The following NRG3 variants were observed in gnomAD, a reference collection of about 807,000 sequenced individuals.
NRG3 encodes the protein pro-neuregulin-3, membrane-bound isoform.
A neutral mutation model predicts 66.9 loss-of-function variants in NRG3; 31 were observed. The ratio of observed to expected loss-of-function variants is 0.46; its 90% CI spans 0.35 to 0.63. The LOEUF is 0.63. NRG3 is among the 20% of genes least tolerant of loss of function. The pLI is 0.00. For missense variants in NRG3, 910 were observed against 878.9 expected, an observed-to-expected ratio of 1.04 and a Z score of -0.45; for synonymous variants, 393 against 359.4, an observed-to-expected ratio of 1.09 and a Z score of -1.06.
chr10:82,829,804 C>G (rs1359708943), intron 3 of NRG3, among the ~76,000 whole-genome samples: 2 of 151,964 alleles, frequency 1.3e-5, no homozygotes, highest in African/African-American at 4.8e-5. Flanking sequence ...AGATTACTAA[C>G]AAACTAATAA....
At chr10:82,291,988 T>C (rs1391025894) in intron 1 of NRG3, among the ~76,000 whole-genome samples, 1 of 152,180 alleles carries the variant, frequency 6.6e-6, no homozygotes, top group Non-Finnish European at 1.5e-5. Flanking sequence ...TTTATCAAAA[T>C]TTAAAATGCT....
At chr10:82,481,186 T>A (rs1204055351) in intron 2 of NRG3, among the ~76,000 whole-genome samples, 1 of 152,242 alleles carries the variant, frequency 6.6e-6, no homozygotes, top group East Asian at 1.9e-4. Context: ...TATCATACAT[T>A]GTTTTTATTT....
chr10:82,956,342 T>G (rs1041776967), intron 5 of NRG3, among the ~76,000 whole-genome samples: 1 of 151,930 alleles, frequency 6.6e-6, no homozygotes, highest in Non-Finnish European at 1.5e-5. Flanking sequence ...ATGAGAGAGC[T>G]AATGGTATTG....
At position 82,624,271 on chromosome 10, in the gene NRG3, T is replaced by G. The variant is rs139878326; in HGVS notation, c.954-114306T>G. On this transcript the variant is annotated intron_variant, in intron 2 of 8. Coordinates refer to ENST00000372141, the MANE Select transcript of NRG3 (RefSeq NM_001010848.4). ...TTTATTAAAAACAACAAGAAAAAAT[T>G]CCCTGCTTTCATAACTTGCCAGTTT... Among the ~76,000 whole-genome samples the G allele has an allele frequency of 1.9e-3, 285 of 152,272 alleles. 2 individuals are homozygous for G. Among genetic ancestry groups the G allele is most frequent in the African/African-American group, 6.2e-3 (259 of 41,554 alleles).
chr10:82,870,313 A>C (rs1302114918), intron 4 of NRG3, among the ~76,000 whole-genome samples: 7 of 152,230 alleles, frequency 4.6e-5, no homozygotes, highest in Non-Finnish European at 1.0e-4. Context: ...CTAGAGCTGG[A>C]TAACATTACA....
chr10:82,881,820 C>T (rs565339681), intron 4 of NRG3, among the ~76,000 whole-genome samples: 7 of 152,268 alleles, frequency 4.6e-5, no homozygotes, highest in Admixed American at 2.6e-4. Flanking sequence ...GACATACAGG[C>T]ATTCAAACTA....
chr10:82,777,134 G>A (rs146497058), intron 3 of NRG3, among the ~76,000 whole-genome samples: 80 of 152,266 alleles, frequency 5.3e-4, no homozygotes, highest in South Asian at 1.9e-3. Context: ...ATTGCCTCCA[G>A]TTCTGTGTGA....
intron 1 of NRG3, among the ~76,000 whole-genome samples, chr10:81,904,703 G>A (rs1193963003): frequency 6.6e-6 from 1 of 151,952 alleles, no homozygotes; most frequent in Non-Finnish European, 1.5e-5. Flanking sequence ...TGTTTCTATG[G>A]CAGGGTTTCA....
intron 3 of NRG3, among the ~76,000 whole-genome samples, chr10:82,803,615 C>A (rs768643151): frequency 6.6e-6 from 1 of 152,258 alleles, no homozygotes; most frequent in East Asian, 1.9e-4. Flanking sequence ...TCTTTGACAT[C>A]ATTTGCAGAA....
chr10:82,910,890 T>C (rs181616915), intron 4 of NRG3, among the ~76,000 whole-genome samples: 19 of 152,334 alleles, frequency 1.2e-4, no homozygotes, highest in South Asian at 2.1e-4. Context: ...ACTTGGAACA[T>C]AGTAACTGAA....
intron 2 of NRG3, among the ~76,000 whole-genome samples, chr10:82,428,395 T>C (rs79158258): frequency 0.031 from 4,665 of 152,026 alleles, 89 homozygotes; most frequent in South Asian, 0.048. Flanking sequence ...TTTCTGTTAA[T>C]TGATCTGAAA....
intron 3 of NRG3, among the ~76,000 whole-genome samples, chr10:82,823,504 T>C (rs1364409424): frequency 6.6e-6 from 1 of 152,084 alleles, no homozygotes; most frequent in African/African-American, 2.4e-5. Flanking sequence ...GAGAGAGTGG[T>C]GAGGGAGACT....
chr10:82,666,590 C>T (rs72829359), intron 2 of NRG3, among the ~76,000 whole-genome samples: 10 of 152,292 alleles, frequency 6.6e-5, no homozygotes, highest in Non-Finnish European at 1.3e-4. Context: ...CCACCATAGC[C>T]CAAGTTACCA....
chr10:82,142,767 T>TG (rs1491405374), intron 1 of NRG3, among the ~76,000 whole-genome samples: 2 of 7,644 alleles, frequency 2.6e-4, no homozygotes, highest in Non-Finnish European at 1.6e-3. Context: ...TCTCTCGCTC[T>TG]TTTTTTTTTT....
At chr10:82,661,570 G>T (rs2052363201) in intron 2 of NRG3, among the ~76,000 whole-genome samples, 1 of 151,870 alleles carries the variant, frequency 6.6e-6, no homozygotes, top group Non-Finnish European at 1.5e-5. Context: ...TTCTATTATT[G>T]GTACTCTGGT....
chr10:82,710,738 CA>C (rs955909623), intron 2 of NRG3, among the ~76,000 whole-genome samples: 24 of 150,778 alleles, frequency 1.6e-4, no homozygotes, highest in Admixed American at 1.1e-3. Context: ...TTTTATGACA[CA>C]AATGGGTCAT....
At chr10:82,228,581 A>T (rs1223686018) in intron 1 of NRG3, among the ~76,000 whole-genome samples, 1 of 152,048 alleles carries the variant, frequency 6.6e-6, no homozygotes, top group East Asian at 1.9e-4. Flanking sequence ...ATGTAACTGG[A>T]TATGGTGTAA....
intron 3 of NRG3, among the ~76,000 whole-genome samples, chr10:82,811,991 G>C (rs2061508717): frequency 6.6e-6 from 1 of 152,218 alleles, no homozygotes; most frequent in Admixed American, 6.5e-5. Flanking sequence ...CCACACTTTA[G>C]AGACAGAAAC....
At chr10:82,747,965 G>T (rs2134890005) in intron 3 of NRG3, among the ~76,000 whole-genome samples, 1 of 151,520 alleles carries the variant, frequency 6.6e-6, no homozygotes, top group African/African-American at 2.4e-5. Context: ...TTTATATTAA[G>T]AGTAATATGT....
Sources: allele counts gnomAD v4.1 joint callset (sites outside exome capture counted in the v4.1 genomes callset), GRCh38; gene constraint gnomAD v4.1.1; transcripts MANE v1.5; gene names NCBI Gene and HGNC (gene_info 2026-07-23, HGNC 2026-07-21).